Variants in MEX3D observed in about 807,000 individuals in gnomAD.
MEX3D encodes mex-3 RNA binding family member D.
MEX3D carries 4 observed loss-of-function variants against 6.3 expected under a neutral mutation model. That is an observed-to-expected ratio of 0.64 (90% confidence interval 0.31 to 1.46). MEX3D has a LOEUF of 1.46. Ranked by LOEUF, MEX3D falls within the 40% of genes most tolerant of loss-of-function variation. MEX3D has a pLI of 0.07. For synonymous variants in MEX3D, 626 were observed against 494.1 expected, an observed-to-expected ratio of 1.27 and a Z score of -3.54; for missense variants, 1,038 against 994.4, an observed-to-expected ratio of 1.04 and a Z score of -0.59.
chr19:1,561,911 T>C (rs1304348475), intron 1 of MEX3D, among the ~76,000 whole-genome samples: 1 of 151,928 alleles, frequency 6.6e-6, no homozygotes, highest in Non-Finnish European at 1.5e-5. Context: ...CCTCCCAAAG[T>C]GCTAGGATTA....
intron 1 of MEX3D, among the ~76,000 whole-genome samples, chr19:1,562,504 G>A (rs1356865224): frequency 1.3e-5 from 2 of 151,940 alleles, no homozygotes; most frequent in Non-Finnish European, 2.9e-5. Flanking sequence ...CAGCCTGGGC[G>A]ACAGAGTGAG....
intron 1 of MEX3D, among the ~76,000 whole-genome samples, chr19:1,566,216 C>T (rs917955398): frequency 6.6e-6 from 1 of 152,206 alleles, no homozygotes; most frequent in Non-Finnish European, 1.5e-5. Flanking sequence ...CAGTCCCTCC[C>T]CACCCACCAC....
At chr19:1,563,168 C>T (rs1270292467) in intron 1 of MEX3D, among the ~76,000 whole-genome samples, 1 of 152,186 alleles carries the variant, frequency 6.6e-6, no homozygotes, top group Non-Finnish European at 1.5e-5. Flanking sequence ...AAAACCATGG[C>T]ATGGTCCCCA....
chr19:1,561,962 T>A (rs1914728554), intron 1 of MEX3D, among the ~76,000 whole-genome samples: 1 of 151,700 alleles, frequency 6.6e-6, no homozygotes, highest in African/African-American at 2.4e-5. Context: ...AAAAAATTTT[T>A]AAAAATTAGC....
intron 1 of MEX3D, among the ~76,000 whole-genome samples, chr19:1,562,097 TA>T (rs1394479355): frequency 6.6e-6 from 1 of 151,658 alleles, no homozygotes; most frequent in African/African-American, 2.4e-5. Context: ...CCGTCTCTAC[TA>T]AAAATACAAA....
At chr19:1,557,564 T>TAAA (rs541363387) in intron 1 of MEX3D, among the ~76,000 whole-genome samples, 1 of 110,822 alleles carries the variant, frequency 9.0e-6, no homozygotes. Context: ...AGACTCCAAC[T>TAAA]AAAAAAAAAA....
rs1360680170 is a variant in MEX3D at position 1,556,475 on chromosome 19, C to T, written c.1044G>A (p.Ala348=). ...TGGCGTGGAAGTCGCTGTCGGGGCC[C>T]GCGTCGGTGAAGGCGCCAGTGCGCA... ...ITLRTGAFTD[A]GPDSDFHANG... Residue 348 remains alanine (A), a synonymous_variant, in exon 2 of 2, where the codon GCG becomes GCA. Coordinates refer to ENST00000402693, the MANE Select transcript of MEX3D (RefSeq NM_203304.4). The surrounding 1 kb of genome is among the most constrained non-coding windows in gnomAD (Gnocchi z 7.5). 1.9e-6 allele frequency: 3 copies of T among 1,601,442 alleles called. No homozygotes were observed. The highest frequency in any genetic ancestry group is 2.2e-5 in the South Asian group (2 of 90,906).
At chr19:1,557,920 G>GCGCA (rs1365080500) in intron 1 of MEX3D, among the ~76,000 whole-genome samples, 6 of 144,648 alleles carry the variant, frequency 4.1e-5, no homozygotes, top group Non-Finnish European at 7.5e-5. Context: ...AGGTGTGGTG[G>GCGCA]CGCACGCCTG....
intron 1 of MEX3D, among the ~76,000 whole-genome samples, chr19:1,566,665 C>A (rs1213758866): frequency 6.6e-6 from 1 of 152,030 alleles, no homozygotes; most frequent in Non-Finnish European, 1.5e-5. Flanking sequence ...CTGGGCCAGG[C>A]ACTGCCCACC....
rs1480013338 is a variant in MEX3D, at chr19:1,555,857, G to C, written c.1662C>G (p.Gly554=). The C allele has an allele frequency of 3.8e-6, 5 of 1,331,562 alleles. No individual in the cohort carries two copies. The highest frequency in any genetic ancestry group is 4.8e-6 in the Non-Finnish European group (5 of 1,046,408). The allele number at this position is 1,331,562 out of a possible 1,614,324, so 82.5% of individuals were successfully genotyped here. The change falls in exon 2 of 2, where the codon GGC becomes GGG. Residue 554 remains glycine, a synonymous_variant. Coordinates refer to ENST00000402693, the MANE Select transcript of MEX3D (RefSeq NM_203304.4). ...RPPQGPVSFP[G]GAAFSTATSL... is the part of the protein sequence containing the mutation. ...AGGTGGCCGTGGAGAAGGCGGCGCC[G>C]CCTGGGAAGGATACGGGGCCCTGCG...
Position 1,555,443 on chromosome 19 carries a change from G to A in MEX3D, c.*120C>T. 1.7e-5 allele frequency: 10 copies of A among 590,604 alleles called. No homozygotes were observed. The highest frequency in any genetic ancestry group is 1.0e-4 in the East Asian group (1 of 9,894). The allele number at this position is 590,604 out of a possible 1,614,324, so 36.6% of individuals were successfully genotyped here. A position where few individuals can be genotyped will look rare whatever the true frequency, so the allele number is the denominator to read the frequency against. On this transcript the variant is annotated 3_prime_UTR_variant, in exon 2 of 2. Transcript: ENST00000402693. ...AACACTGGCCGCCGCCCACCCCCCT[G>A]CCCCCTCGGCCTCCGCCCCTCGCCC...
Position 1,567,387 on chromosome 19 carries a change from G to C in MEX3D, c.595+77C>G, listed in dbSNP as rs912919297. 2 of 1,433,560 alleles carry C rather than the reference G, an allele frequency of 1.4e-6. No homozygotes were observed. Among genetic ancestry groups the C allele is most frequent in the Non-Finnish European group, 1.8e-6 (2 of 1,094,642 alleles). The allele number at this position is 1,433,560 out of a possible 1,614,324, so 88.8% of individuals were successfully genotyped here. On this transcript the variant is annotated intron_variant, in intron 1 of 1. Transcript: ENST00000402693. This position sits in a 1 kb window ranked among gnomAD's most constrained non-coding sequence, Gnocchi z 6.5. Reference sequence around the variant, plus strand: ...GGGGCGTCCGGCGCGGGCTGGGCTGGGCTCGGGCGACCCCCTTCCCCGGGG... The same window carrying C: ...GGGGCGTCCGGCGCGGGCTGGGCTGCGCTCGGGCGACCCCCTTCCCCGGGG...
chr19:1,556,520 C>T lies in MEX3D; in HGVS notation c.999G>A (p.Glu333=), dbSNP rs1174522067. The T allele has an allele frequency of 2.5e-6, 4 of 1,606,294 alleles. No homozygotes were observed. Among genetic ancestry groups the T allele is most frequent in the Non-Finnish European group, 3.4e-6 (4 of 1,177,442 alleles). Residue 333 remains glutamate (E), a synonymous_variant, in exon 2 of 2, where the codon GAG becomes GAA. Transcript: ENST00000402693. This position sits in a 1 kb window ranked among gnomAD's most constrained non-coding sequence, Gnocchi z 7.5. The stretch of plus-strand genomic sequence containing the variant: ...TGCGCAGCGTGATGTGCGCCTCGAT[C>T]TCCTCGCGCGCGCGGTCCACGTTCT... The part of the protein sequence containing the change: ...MPENVDRARE[E]IEAHITLRTG...
chr19:1,566,637 C>CG (rs1487855474), intron 1 of MEX3D, among the ~76,000 whole-genome samples: 1 of 151,568 alleles, frequency 6.6e-6, no homozygotes, highest in African/African-American at 2.4e-5. Context: ...GGGTGGCTAA[C>CG]GGGGTGGTGG....
Position 1,555,476 on chromosome 19 carries a change from G to A in MEX3D, c.*87C>T, listed in dbSNP as rs575842092. ...GGCCTCCGCCCCTCGCCCCCTCCCC[G>A]TCCCTCTCCCACCCCGGGTCCCGCC... is the stretch of plus-strand genomic sequence containing the variant. On this transcript the variant is annotated 3_prime_UTR_variant, in exon 2 of 2. Coordinates refer to ENST00000402693, the MANE Select transcript of MEX3D (RefSeq NM_203304.4). 2.8e-4 allele frequency: 184 copies of A among 655,834 alleles called. No individual in the cohort carries two copies. Among genetic ancestry groups the A allele is most frequent in the Middle Eastern group, 1.2e-3 (2 of 1,698 alleles). The allele number at this position is 655,834 out of a possible 1,614,324, so 40.6% of individuals were successfully genotyped here.
At chr19:1,558,209 CA>C (rs1914626927) in intron 1 of MEX3D, among the ~76,000 whole-genome samples, 1 of 151,488 alleles carries the variant, frequency 6.6e-6, no homozygotes, top group East Asian at 1.9e-4. Flanking sequence ...CAAACAACAA[CA>C]AAAAATTAGC....
At chr19:1,558,980 GTTTT>G (rs113227025) in intron 1 of MEX3D, among the ~76,000 whole-genome samples, 6 of 144,132 alleles carry the variant, frequency 4.2e-5, no homozygotes, top group Admixed American at 6.9e-5. Flanking sequence ...GGCCTTAATG[GTTTT>G]TTTTTTTTTC....
rs756542990 is a variant in MEX3D, at chr19:1,556,112, C to T, written c.1407G>A (p.Ala469=). Residue 469 remains alanine (A), a synonymous_variant, in exon 2 of 2, where the codon GCG becomes GCA. Transcript: ENST00000402693. The surrounding 1 kb of genome is among the most constrained non-coding windows in gnomAD (Gnocchi z 7.5). Reference sequence around the variant, plus strand: ...GCTCAAAAGGCGCCCAGATGGTGGCCGCGGCGGGCACGGTCAGGTCCAGCG... The same window carrying T: ...GCTCAAAAGGCGCCCAGATGGTGGCTGCGGCGGGCACGGTCAGGTCCAGCG... ...FLALDLTVPA[A]ATIWAPFERA... is the part of the protein sequence containing the mutation. 1 of 1,454,618 alleles carries T rather than the reference C, an allele frequency of 6.9e-7. No individual in the cohort carries two copies. Among genetic ancestry groups the T allele is most frequent in the South Asian group, 1.3e-5 (1 of 79,936 alleles). 90.1% of individuals were successfully genotyped at this position (1,454,618 alleles called of 1,614,324 possible).
Position 1,555,646 on chromosome 19 carries a change from C to T in MEX3D, c.1873G>A (p.Ala625Thr). ...CGHNLFCMDC[A>T]VRICGKSEPE... The stretch of plus-strand genomic sequence containing the variant: ...TCGCTCTTGCCGCAGATGCGGACGG[C>T]GCAGTCCATGCAGAAGAGGTTGTGG... Residue 625 changes from alanine (A) to threonine (T), a missense_variant, in exon 2 of 2, where the codon GCC (alanine) becomes ACC (threonine). Physicochemically the swap from Ala to Thr is moderately conservative, Grantham distance 58. Transcript: ENST00000402693. 3 of 1,587,692 alleles carry T rather than the reference C, an allele frequency of 1.9e-6. No homozygotes were observed. The highest frequency in any genetic ancestry group is 2.3e-5 in the East Asian group (1 of 43,242).
Sources: gnomAD v4.1 joint callset for allele counts (sites outside exome capture counted in the v4.1 genomes callset) on GRCh38, gnomAD v4.1.1 for gene constraint, Gnocchi (gnomAD v3.1) non-coding constraint, MANE v1.5 for transcripts, NCBI Gene and HGNC (gene_info 2026-07-23, HGNC 2026-07-21) for gene names.